CDCP1: variants seen among roughly 807,000 people sequenced by gnomAD.
CDCP1 encodes the protein CUB domain containing protein 1, also known as CUB domain-containing protein 1.
CDCP1 carries 29 observed loss-of-function variants against 60.2 expected under a neutral mutation model. That is an observed-to-expected ratio of 0.48 (90% CI 0.36 to 0.66). The LOEUF (loss-of-function observed/expected upper bound fraction) is 0.66, where lower values mean the gene tolerates loss of function less well. Among genes scored for constraint, CDCP1 ranks in the 30% least tolerant of loss-of-function variants. CDCP1 has a pLI of 0.00. For missense variants in CDCP1, 876 were observed against 1,074.3 expected (o/e 0.82, Z 2.58); for synonymous variants, 387 against 431.1 (o/e 0.90, Z 1.27).
At chr3:45,110,324 C>G in intron 4 of CDCP1, 149 bp downstream of exon 4, 1 of 1,446,554 alleles carries the variant, frequency 6.9e-7, no homozygotes, top group Non-Finnish European at 9.1e-7. Context: ...GCCTAGCAAC[C>G]CACTTCCTGA....
chr3:45,120,076 C>T (rs1027199601), intron 1 of CDCP1, among the ~76,000 whole-genome samples: 1 of 152,196 alleles, frequency 6.6e-6, no homozygotes, highest in Admixed American at 6.5e-5. Flanking sequence ...TTTATTTATC[C>T]ATGCACCTGC....
chr3:45,098,189 T>TTTA (rs35685013), intron 4 of CDCP1, among the ~76,000 whole-genome samples: 111,388 of 148,646 alleles, frequency 0.75, 43,273 homozygotes, highest in East Asian at 0.95. Flanking sequence ...ATTCTCAGCC[T>TTTA]TTATTATTAT....
At chr3:45,087,160 T>A (rs1698209044) in intron 8 of CDCP1, among the ~76,000 whole-genome samples, 1 of 152,188 alleles carries the variant, frequency 6.6e-6, no homozygotes, top group African/African-American at 2.4e-5. Flanking sequence ...ATTGTCTCAC[T>A]CATCATTGTC....
At chr3:45,109,106 T>G (rs929493154) in intron 4 of CDCP1, among the ~76,000 whole-genome samples, 2 of 151,468 alleles carry the variant, frequency 1.3e-5, no homozygotes, top group Admixed American at 1.3e-4. Context: ...CGCGCCATCA[T>G]GCCTGGCTAA....
intron 4 of CDCP1, among the ~76,000 whole-genome samples, chr3:45,100,186 G>C (rs1363334046): frequency 6.6e-6 from 1 of 152,220 alleles, no homozygotes; most frequent in Non-Finnish European, 1.5e-5. Flanking sequence ...CAGAGAAGAA[G>C]TCATTCTCTA....
intron 1 of CDCP1, among the ~76,000 whole-genome samples, chr3:45,123,349 G>T (rs906989454): frequency 2.0e-5 from 3 of 152,138 alleles, no homozygotes; most frequent in Non-Finnish European, 4.4e-5. Flanking sequence ...GAGAATTTGG[G>T]CTTGAGTAAT....
At chr3:45,130,416 G>T (rs140952527) in intron 1 of CDCP1, among the ~76,000 whole-genome samples, 3 of 152,096 alleles carry the variant, frequency 2.0e-5, no homozygotes, top group African/African-American at 4.8e-5. Context: ...GCTGTGTCCA[G>T]CCACAATAAA....
At chr3:45,130,013 C>T (rs538900966) in intron 1 of CDCP1, among the ~76,000 whole-genome samples, 1 of 148,340 alleles carries the variant, frequency 6.7e-6, no homozygotes, top group African/African-American at 2.6e-5. Flanking sequence ...CTAGAATGTT[C>T]CAAATCTTGG....
chr3:45,130,686 C>T (rs976750249), intron 1 of CDCP1, among the ~76,000 whole-genome samples: 13 of 152,138 alleles, frequency 8.5e-5, no homozygotes, highest in African/African-American at 1.4e-4. Context: ...AGGAGAAAAA[C>T]CTGTTGGTCC....
At chr3:45,144,368 C>T (rs1274966194) in intron 1 of CDCP1, among the ~76,000 whole-genome samples, 1 of 152,200 alleles carries the variant, frequency 6.6e-6, no homozygotes, top group Admixed American at 6.5e-5. Flanking sequence ...CTACAGGCAA[C>T]TACTCCAACC....
chr3:45,126,388 G>T (rs546242522), intron 1 of CDCP1, among the ~76,000 whole-genome samples: 2 of 151,878 alleles, frequency 1.3e-5, no homozygotes, highest in Non-Finnish European at 2.9e-5. Flanking sequence ...TTCTAACAGT[G>T]CCTGCTGTGG....
intron 1 of CDCP1, among the ~76,000 whole-genome samples, chr3:45,123,746 A>C (rs1446276470): frequency 1.3e-5 from 2 of 152,198 alleles, no homozygotes; most frequent in South Asian, 2.1e-4. Context: ...TTTGATCACA[A>C]ATGCTTGGAT....
intron 1 of CDCP1, among the ~76,000 whole-genome samples, chr3:45,123,798 T>G (rs1192498813): frequency 6.6e-6 from 1 of 152,220 alleles, no homozygotes; most frequent in African/African-American, 2.4e-5. Context: ...TGGTATTTCA[T>G]TGGTCTAATA....
At chr3:45,117,981 C>A (rs1283289270) in intron 2 of CDCP1, among the ~76,000 whole-genome samples, 1 of 152,142 alleles carries the variant, frequency 6.6e-6, no homozygotes, top group East Asian at 1.9e-4. Flanking sequence ...CCTTCTGATT[C>A]TTTTGTCTTC....
At chr3:45,119,696 T>G (rs1262433728) in intron 1 of CDCP1, among the ~76,000 whole-genome samples, 1 of 152,222 alleles carries the variant, frequency 6.6e-6, no homozygotes, top group African/African-American at 2.4e-5. Flanking sequence ...TTGTAAAAAT[T>G]TATTTTTAAA....
At chr3:45,087,752 G>C (rs1442466200) in intron 8 of CDCP1, among the ~76,000 whole-genome samples, 1 of 152,200 alleles carries the variant, frequency 6.6e-6, no homozygotes, top group Non-Finnish European at 1.5e-5. Context: ...GGGTGTGGTG[G>C]CTCACGCCTG....
In CDCP1 at chr3:45,118,477, A is replaced by G. The variant is rs1698829511; in HGVS notation, c.227T>C (p.Ile76Thr). ...TMLSIKSGER[I>T]VFTFSCQSPE... ...ACTCTGGCAGCTAAAGGTAAAGACTATTCTTTCTCCAGACTTGATGGACAA... is the reference window on the plus strand; with the variant it reads ...ACTCTGGCAGCTAAAGGTAAAGACTGTTCTTTCTCCAGACTTGATGGACAA... The change falls in exon 2 of 9, where the codon ATA becomes ACA. Residue 76 changes from isoleucine to threonine, a missense_variant. Around this residue, in one of 2 missense-constraint regions of CDCP1, gnomAD observed 150 missense variants for 138.6 expected, o/e 1.08. Coordinates refer to ENST00000296129, the MANE Select transcript of CDCP1 (RefSeq NM_022842.5). The G allele has an allele frequency of 6.2e-7, 1 of 1,614,182 alleles. No individual in the cohort carries two copies. Among genetic ancestry groups the G allele is most frequent in the African/African-American group, 1.3e-5 (1 of 75,066 alleles).
rs201934624 is a variant in CDCP1 at position 45,090,879 on chromosome 3, CAA to C, written c.1993+292_1993+293del. Reference sequence around the variant, plus strand: ...TTTGAAAGCACCAAGCTAAGATCAGCAAAGTCCTCTAGCCAACCTGCAGCTGC... The same window carrying C: ...TTTGAAAGCACCAAGCTAAGATCAGCAGTCCTCTAGCCAACCTGCAGCTGC... On this transcript the variant is annotated intron_variant, in intron 7 of 8. Transcript: ENST00000296129. Among the ~76,000 whole-genome samples, 1,021 of 152,226 alleles carry C rather than the reference CAA, an allele frequency of 6.7e-3. 6 individuals are homozygous for C. Among genetic ancestry groups the C allele is most frequent in the African/African-American group, 0.022 (921 of 41,536 alleles).
At chr3:45,096,487 T>G (rs1698400753) in intron 4 of CDCP1, among the ~76,000 whole-genome samples, 1 of 151,724 alleles carries the variant, frequency 6.6e-6, no homozygotes, top group Non-Finnish European at 1.5e-5. Context: ...TAGCTGGGTG[T>G]GGTGGTACAT....
Sources: allele counts gnomAD v4.1 joint callset (sites outside exome capture counted in the v4.1 genomes callset), GRCh38; gene constraint gnomAD v4.1.1; regional missense constraint gnomAD v4.1.1; transcripts MANE v1.5; gene names NCBI Gene and HGNC (gene_info 2026-07-23, HGNC 2026-07-21).